Variants in MAGI1 observed in about 807,000 individuals in gnomAD.
MAGI1 encodes the protein membrane associated guanylate kinase, WW and PDZ domain containing 1, also known as membrane-associated guanylate kinase, WW and PDZ domain-containing protein 1.
Under a neutral mutation model 139.9 loss-of-function variants are expected in MAGI1, and 58 were observed. That is an observed-to-expected ratio of 0.41 (90% CI 0.34 to 0.52). The LOEUF is 0.52. Among genes scored for constraint, MAGI1 ranks in the 20% least tolerant of loss-of-function variants. MAGI1 has a pLI of 0.12. For synonymous variants in MAGI1, 812 were observed against 737.9 expected (o/e 1.10, Z -1.63); for missense variants, 1,874 against 1,901.6 (o/e 0.99, Z 0.27).
At chr3:65,360,767 TAAAGA>T in intron 22 of MAGI1, 1 of 1,013,572 alleles carries the variant, frequency 9.9e-7, no homozygotes, top group Non-Finnish European at 1.2e-6. Context: ...GCCTCTTAAA[TAAAGA>T]CACCAAGTAA....
At chr3:65,610,751 C>CTATATATATATATATATATATT (rs59887286) in intron 2 of MAGI1, among the ~76,000 whole-genome samples, 1 of 21,180 alleles carries the variant, frequency 4.7e-5, no homozygotes, top group South Asian at 1.1e-3. Context: ...AGTATATATA[C>CTATATATATATATATATATATT]AGTATATATA....
chr3:65,395,239 T>C (rs1944286397), intron 13 of MAGI1, among the ~76,000 whole-genome samples: 1 of 152,138 alleles, frequency 6.6e-6, no homozygotes, highest in South Asian at 2.1e-4. Flanking sequence ...AGTGTGTGTA[T>C]ACATAGTGTG....
At chr3:65,411,334 C>G (rs1945779098) in intron 12 of MAGI1, among the ~76,000 whole-genome samples, 1 of 152,142 alleles carries the variant, frequency 6.6e-6, no homozygotes, top group Non-Finnish European at 1.5e-5. Flanking sequence ...ATTTGAATTG[C>G]TTTTTATGCA....
chr3:65,990,645 G>A (rs1356785661), intron 1 of MAGI1, among the ~76,000 whole-genome samples: 1 of 152,172 alleles, frequency 6.6e-6, no homozygotes, highest in Admixed American at 6.5e-5. Context: ...GCCAAGTGTT[G>A]TAAACTGGAC....
chr3:65,979,088 T>TCC (rs200894076), intron 1 of MAGI1, among the ~76,000 whole-genome samples: 5,175 of 52,486 alleles, frequency 0.099, 290 homozygotes, highest in Non-Finnish European at 0.13. Context: ...TTTCTTTTCT[T>TCC]CCCCCCCCCC....
intron 2 of MAGI1, among the ~76,000 whole-genome samples, chr3:65,565,884 C>G (rs1244603030): frequency 6.9e-6 from 1 of 145,784 alleles, no homozygotes; most frequent in African/African-American, 2.5e-5. Flanking sequence ...AGAAACATTG[C>G]TATCACACAA....
intron 5 of MAGI1, among the ~76,000 whole-genome samples, chr3:65,467,317 C>T (rs1950236483): frequency 6.6e-6 from 1 of 152,168 alleles, no homozygotes; most frequent in Non-Finnish European, 1.5e-5. Context: ...CACGTACATG[C>T]ATAAACAAGG....
chr3:65,372,185 A>G (rs1942070237), intron 18 of MAGI1, among the ~76,000 whole-genome samples: 2 of 152,232 alleles, frequency 1.3e-5, no homozygotes, highest in South Asian at 4.1e-4. Context: ...GTAAGACTTA[A>G]AAGTCAAAAT....
chr3:65,726,170 T>C (rs1009950318), intron 1 of MAGI1, among the ~76,000 whole-genome samples: 2 of 152,198 alleles, frequency 1.3e-5, no homozygotes, highest in Non-Finnish European at 2.9e-5. Flanking sequence ...ATAGACACAG[T>C]CTTGTCATTG....
intron 1 of MAGI1, among the ~76,000 whole-genome samples, chr3:65,811,324 T>C (rs1197992449): frequency 6.6e-6 from 1 of 152,216 alleles, no homozygotes; most frequent in Non-Finnish European, 1.5e-5. Flanking sequence ...AGGAGACTAG[T>C]GTCTAAATGT....
chr3:66,031,901 AC>A (rs2068620822), intron 1 of MAGI1, among the ~76,000 whole-genome samples: 1 of 152,174 alleles, frequency 6.6e-6, no homozygotes, highest in African/African-American at 2.4e-5. Flanking sequence ...TGCCTGCTGA[AC>A]ATCTGAAATT....
rs748421084 is a variant in MAGI1 at position 65,429,757 on chromosome 3, C to T, written c.1930G>A (p.Val644Ile). The T allele has an allele frequency of 6.2e-7, 1 of 1,613,946 alleles. No homozygotes were observed. The highest frequency in any genetic ancestry group is 8.5e-7 in the Non-Finnish European group (1 of 1,179,940). Residue 644 changes from valine (V) to isoleucine (I), a missense_variant, in exon 12 of 23, where the codon GTT (valine) becomes ATT (isoleucine). Coordinates refer to ENST00000402939, the MANE Select transcript of MAGI1 (RefSeq NM_001033057.2). ...SIATQPELITVHIVKGPMGFG... is the reference protein window; with the variant it reads ...SIATQPELITIHIVKGPMGFG... ...CCCATTGGCCCTTTGACAATATGAA[C>T]AGTTATGAGTTCTGGCTGAGTGGCT... is the stretch of plus-strand genomic sequence containing the variant.
At chr3:65,549,372 T>C in intron 2 of MAGI1, 2 of 929,506 alleles carry the variant, frequency 2.2e-6, no homozygotes, top group Non-Finnish European at 2.6e-6. Flanking sequence ...CCCCTCTTCC[T>C]GCTGTCACTT....
intron 2 of MAGI1, among the ~76,000 whole-genome samples, chr3:65,588,704 TTC>T (rs1168781920): frequency 6.6e-6 from 1 of 152,194 alleles, no homozygotes. Flanking sequence ...CTGTCTGTCA[TTC>T]TCTACTAAAA....
intron 14 of MAGI1, among the ~76,000 whole-genome samples, chr3:65,388,927 C>G (rs758567186): frequency 8.3e-4 from 121 of 145,094 alleles, no homozygotes; most frequent in Non-Finnish European, 1.7e-3. Flanking sequence ...ACTGCAAGCT[C>G]CGCCTCCCAG....
chr3:65,565,224 G>A lies in MAGI1; in HGVS notation c.430+56748C>T, dbSNP rs146237396. Among the ~76,000 whole-genome samples, 32 of 152,268 alleles carry A rather than the reference G, an allele frequency of 2.1e-4. 1 individual carries two copies. The highest frequency in any genetic ancestry group is 6.5e-4 in the African/African-American group (27 of 41,548). On this transcript the variant is annotated intron_variant, in intron 2 of 22. Coordinates refer to ENST00000402939, the MANE Select transcript of MAGI1 (RefSeq NM_001033057.2). Reference sequence around the variant, plus strand: ...ATCTTTTTCCATTCCCTTTTCTTCAGTATCTGATGCTGTAGCTTATGTCAG... The same window carrying A: ...ATCTTTTTCCATTCCCTTTTCTTCAATATCTGATGCTGTAGCTTATGTCAG...
At chr3:65,759,441 C>G (rs2036834433) in intron 1 of MAGI1, among the ~76,000 whole-genome samples, 1 of 152,166 alleles carries the variant, frequency 6.6e-6, no homozygotes, top group Non-Finnish European at 1.5e-5. Context: ...TCTTGTTATT[C>G]TTATTACTGG....
intron 1 of MAGI1, among the ~76,000 whole-genome samples, chr3:65,838,812 AGT>A (rs1473616635): frequency 6.6e-6 from 1 of 152,230 alleles, no homozygotes; most frequent in African/African-American, 2.4e-5. Context: ...ATCATTTTCC[AGT>A]GTGTTTGTAC....
chr3:65,543,274 C>T (rs1229477590), intron 2 of MAGI1, among the ~76,000 whole-genome samples: 2 of 152,064 alleles, frequency 1.3e-5, no homozygotes, highest in Non-Finnish European at 2.9e-5. Flanking sequence ...AGGATGTAGA[C>T]AAACAGGAAC....
Sources: gnomAD v4.1 joint callset for allele counts (sites outside exome capture counted in the v4.1 genomes callset) on GRCh38, gnomAD v4.1.1 for gene constraint, MANE v1.5 for transcripts, NCBI Gene and HGNC (gene_info 2026-07-23, HGNC 2026-07-21) for gene names.